The following ST8SIA6 variants were observed in gnomAD, a reference collection of about 807,000 sequenced individuals.
The protein encoded by ST8SIA6 is ST8 alpha-N-acetyl-neuraminide alpha-2,8-sialyltransferase 6.
In ST8SIA6, 39 loss-of-function variants were observed where a neutral mutation model predicts 33.6. The ratio of observed to expected loss-of-function variants is 1.16; its 90% CI spans 0.90 to 1.52. The LOEUF (loss-of-function observed/expected upper bound fraction) is 1.52, where lower values mean the gene tolerates loss of function less well. Ranked by LOEUF, ST8SIA6 falls within the 40% of genes most tolerant of loss-of-function variation. The probability of loss-of-function intolerance (pLI) is 0.00; values close to 1 mark genes in which losing one functional copy is unlikely to be tolerated. For missense variants in ST8SIA6, 441 were observed against 443.8 expected (o/e 0.99, Z 0.06); for synonymous variants, 172 against 167.2 (o/e 1.03, Z -0.22).
intron 3 of ST8SIA6, among the ~76,000 whole-genome samples, chr10:17,371,395 C>T (rs1849726310): frequency 6.6e-6 from 1 of 151,944 alleles, no homozygotes; most frequent in African/African-American, 2.4e-5. Flanking sequence ...AATGAGGTCC[C>T]GGATGGATGA....
chr10:17,435,710 GT>G (rs1399937101), intron 2 of ST8SIA6, among the ~76,000 whole-genome samples: 2 of 131,322 alleles, frequency 1.5e-5, no homozygotes, highest in Non-Finnish European at 3.2e-5. Flanking sequence ...AAAATGGGGG[GT>G]TGGGGGGGTG....
At chr10:17,408,130 G>T (rs1851333578) in intron 2 of ST8SIA6, 1 of 152,560 alleles carries the variant, frequency 6.6e-6, no homozygotes, top group South Asian at 2.1e-4. Context: ...ACCCAGTCAG[G>T]CTCCGCTCTG....
chr10:17,369,972 A>C (rs1305097870), intron 3 of ST8SIA6, among the ~76,000 whole-genome samples: 7 of 149,318 alleles, frequency 4.7e-5, no homozygotes, highest in Non-Finnish European at 5.9e-5. Flanking sequence ...CATGTTTTTA[A>C]TTCAGTGTGA....
chr10:17,331,351 A>T (rs1312283298), intron 5 of ST8SIA6, 57 bp downstream of exon 5: 5 of 1,543,562 alleles, frequency 3.2e-6, no homozygotes, highest in Non-Finnish European at 4.4e-6. Context: ...AGCTTAAAGT[A>T]AAAGAAAATT....
At chr10:17,348,931 C>G (rs989001236) in intron 4 of ST8SIA6, among the ~76,000 whole-genome samples, 3 of 152,132 alleles carry the variant, frequency 2.0e-5, no homozygotes, top group Non-Finnish European at 4.4e-5. Flanking sequence ...AAGCGTAACT[C>G]TTGGCTCTGC....
chr10:17,421,882 T>A (rs1851789879), intron 2 of ST8SIA6, among the ~76,000 whole-genome samples: 1 of 152,208 alleles, frequency 6.6e-6, no homozygotes. Context: ...TTTTATTTCC[T>A]TTTGATGACG....
chr10:17,440,476 G>T (rs1256943284), intron 2 of ST8SIA6, among the ~76,000 whole-genome samples: 9 of 152,104 alleles, frequency 5.9e-5, no homozygotes, highest in Non-Finnish European at 5.9e-5. Flanking sequence ...AAAGTGCTGG[G>T]ATTACAGGTG....
chr10:17,320,663 A>T lies in ST8SIA6; in HGVS notation c.*215T>A. The T allele has an allele frequency of 1.9e-6, 1 of 516,506 alleles. No homozygotes were observed. Among genetic ancestry groups the T allele is most frequent in the Admixed American group, 3.5e-5 (1 of 28,764 alleles). 32.0% of individuals were successfully genotyped at this position (516,506 alleles called of 1,614,324 possible). A position where few individuals can be genotyped will look rare whatever the true frequency, so the allele number is the denominator to read the frequency against. ...TTCATAAATTATAAAAATTTGTATG[A>T]GTCAGATATGGTGTCCATGTTATAA... On this transcript the variant is annotated 3_prime_UTR_variant, in exon 8 of 8. Coordinates refer to ENST00000377602, the MANE Select transcript of ST8SIA6 (RefSeq NM_001004470.3).
chr10:17,444,529 G>T (rs924099067), intron 2 of ST8SIA6, among the ~76,000 whole-genome samples: 1 of 152,148 alleles, frequency 6.6e-6, no homozygotes, highest in Non-Finnish European at 1.5e-5. Context: ...CAATAGCAGG[G>T]CATTTCCTTG....
At chr10:17,332,970 A>T (rs1180675726) in intron 4 of ST8SIA6, among the ~76,000 whole-genome samples, 1 of 152,116 alleles carries the variant, frequency 6.6e-6, no homozygotes, top group Non-Finnish European at 1.5e-5. Flanking sequence ...CCTTTGTCAG[A>T]TGGGTAGATT....
intron 4 of ST8SIA6, among the ~76,000 whole-genome samples, chr10:17,346,857 G>C (rs949540803): frequency 6.6e-6 from 1 of 152,020 alleles, no homozygotes; most frequent in Admixed American, 6.6e-5. Flanking sequence ...ATGTATCTTT[G>C]TATCTATGTA....
chr10:17,381,123 G>GTTTTTAAGGAAGAGTGTAGTTTAA (rs1303370584), intron 3 of ST8SIA6, among the ~76,000 whole-genome samples: 2 of 152,078 alleles, frequency 1.3e-5, no homozygotes, highest in African/African-American at 4.8e-5. Flanking sequence ...GTTTACTCGG[G>GTTTTTAAGGAAGAGTGTAGTTTAA]TTTTTAAGGA....
chr10:17,355,503 C>A (rs1849163486), intron 4 of ST8SIA6, among the ~76,000 whole-genome samples: 1 of 152,168 alleles, frequency 6.6e-6, no homozygotes, highest in African/African-American at 2.4e-5. Context: ...CCCCAAAGGG[C>A]TCATAGTCAA....
At chr10:17,352,898 GA>G (rs1361939035) in intron 4 of ST8SIA6, among the ~76,000 whole-genome samples, 2 of 151,864 alleles carry the variant, frequency 1.3e-5, no homozygotes, top group Non-Finnish European at 2.9e-5. Context: ...AGGAAACAAA[GA>G]AAAAAGCTTT....
intron 4 of ST8SIA6, among the ~76,000 whole-genome samples, chr10:17,339,810 G>C (rs896346495): frequency 6.6e-6 from 1 of 152,140 alleles, no homozygotes; most frequent in Non-Finnish European, 1.5e-5. Flanking sequence ...GATAACTTAG[G>C]ATCATAAAGT....
intron 2 of ST8SIA6, among the ~76,000 whole-genome samples, chr10:17,445,720 T>A (rs1001166037): frequency 6.6e-6 from 1 of 152,142 alleles, no homozygotes; most frequent in Non-Finnish European, 1.5e-5. Context: ...TATTGTATCG[T>A]ACTACATAAT....
intron 2 of ST8SIA6, among the ~76,000 whole-genome samples, chr10:17,416,549 G>A (rs1003551610): frequency 5.9e-5 from 9 of 152,170 alleles, no homozygotes; most frequent in African/African-American, 2.2e-4. Context: ...CCATCTCTAT[G>A]GATGGTAATG....
At chr10:17,440,230 A>G (rs1229551443) in intron 2 of ST8SIA6, among the ~76,000 whole-genome samples, 1 of 140,916 alleles carries the variant, frequency 7.1e-6, no homozygotes, top group Non-Finnish European at 1.5e-5. Context: ...TTTTTGAGAC[A>G]GAGTCTCACT....
intron 2 of ST8SIA6, among the ~76,000 whole-genome samples, chr10:17,417,827 A>G (rs1285642082): frequency 6.6e-6 from 1 of 152,180 alleles, no homozygotes; most frequent in Non-Finnish European, 1.5e-5. Flanking sequence ...ACAGGGAATT[A>G]ATAGAAGATA....
Sources: allele counts gnomAD v4.1 joint callset (sites outside exome capture counted in the v4.1 genomes callset), GRCh38; gene constraint gnomAD v4.1.1; transcripts MANE v1.5; gene names NCBI Gene and HGNC (gene_info 2026-07-23, HGNC 2026-07-21).